SOD2: variants seen among roughly 807,000 people sequenced by gnomAD.
The protein encoded by SOD2 is superoxide dismutase [Mn], mitochondrial.
Under a neutral mutation model 27.0 loss-of-function variants are expected in SOD2, and 11 were observed. The ratio of observed to expected loss-of-function variants is 0.41; its 90% CI spans 0.26 to 0.67. The LOEUF is 0.67. Ranked by LOEUF, SOD2 falls within the 30% of genes least tolerant of loss-of-function variation. The pLI, the probability that SOD2 is intolerant of heterozygous loss-of-function variation, is 0.34. For missense variants in SOD2, 250 were observed against 274.5 expected (o/e 0.91, Z 0.63); for synonymous variants, 105 against 103.0 (o/e 1.02, Z -0.12).
rs957479539 is a variant in SOD2 at position 159,681,681 on chromosome 6, C to T, written c.*812G>A. The T allele has an allele frequency of 6.6e-6, 1 of 152,164 alleles. No homozygotes were observed. The allele number at this position is 152,164 out of a possible 1,614,324, so 9.4% of individuals were successfully genotyped here. On this transcript the variant is annotated 3_prime_UTR_variant, in exon 5 of 5. Coordinates refer to ENST00000538183, the MANE Select transcript of SOD2 (RefSeq NM_000636.4). ...CAATTTTGGTATACAGCCATACCAC[C>T]CTGAAGGCACCCGATCTCGACTGAT...
rs1040370414 is a variant in SOD2 at position 159,674,051 on chromosome 6, A to G, written c.*8442T>C. 16 of 152,250 alleles carry G rather than the reference A, an allele frequency of 1.1e-4. No homozygotes were observed. The highest frequency in any genetic ancestry group is 2.4e-4 in the Non-Finnish European group (16 of 68,044). 9.4% of individuals were successfully genotyped at this position (152,250 alleles called of 1,614,324 possible). ...CCCTCTCAAAACTAAACCAGGAAGAAGTTTAATCCCTGAATAGACCAATAA... is the reference window on the plus strand; with the variant it reads ...CCCTCTCAAAACTAAACCAGGAAGAGGTTTAATCCCTGAATAGACCAATAA... On this transcript the variant is annotated 3_prime_UTR_variant, in exon 5 of 5. Transcript: ENST00000538183.
chr6:159,712,918 TA>T, intron 1 of SOD2: 2 of 645,320 alleles, frequency 3.1e-6, no homozygotes, highest in East Asian at 2.8e-5. Flanking sequence ...CTATAGCATT[TA>T]AAAAGGTCTC....
intron 1 of SOD2, among the ~76,000 whole-genome samples, chr6:159,703,329 A>G (rs1311637739): frequency 3.3e-5 from 5 of 152,008 alleles, no homozygotes; most frequent in Admixed American, 6.6e-5. Context: ...GTATGTATGT[A>G]TGGAAATTCT....
intron 2 of SOD2, chr6:159,691,202 T>C (rs1258305379): frequency 6.6e-6 from 1 of 152,220 alleles, no homozygotes; most frequent in Non-Finnish European, 1.5e-5. Context: ...GAAAGGTTCC[T>C]GGTGTCAGAT....
At chr6:159,706,344 C>T (rs1019465075) in intron 1 of SOD2, among the ~76,000 whole-genome samples, 2 of 152,072 alleles carry the variant, frequency 1.3e-5, no homozygotes, top group Non-Finnish European at 2.9e-5. Context: ...AGAGTCAAGA[C>T]CCATCAGTCT....
intron 1 of SOD2, chr6:159,754,910 A>G: frequency 9.1e-7 from 1 of 1,102,466 alleles, no homozygotes; most frequent in Non-Finnish European, 1.2e-6. Context: ...GTGTGATTTT[A>G]GAATTGTATT....
rs150536970 is a variant in SOD2, at chr6:159,718,235, C to T, written c.-116+8894G>A. On this transcript the variant is annotated intron_variant, in intron 1 of 2. Coordinates refer to the SOD2 transcript ENST00000401980. ...TCAAACCCTCCTTGAGCAATTCTCC[C>T]ACTTCTAAATTCCCAGCCTCCTAAA... is the stretch of plus-strand genomic sequence containing the variant. Among the ~76,000 whole-genome samples the T allele has an allele frequency of 4.2e-3, 636 of 152,038 alleles. 6 individuals carry two copies. The highest frequency in any genetic ancestry group is 0.015 in the African/African-American group (611 of 41,482).
upstream of SOD2, among the ~76,000 whole-genome samples, chr6:159,729,439 A>G (rs1778429830): frequency 1.3e-5 from 2 of 152,234 alleles, no homozygotes; most frequent in African/African-American, 2.4e-5. Flanking sequence ...TGTGTATAAC[A>G]AGATGTTCCA....
chr6:159,710,961 ACCTCCATAACCACCTCCATAACCACCAC>A (rs1777734920), intron 1 of SOD2, among the ~76,000 whole-genome samples: 1 of 122,384 alleles, frequency 8.2e-6, no homozygotes, highest in Non-Finnish European at 1.8e-5. Flanking sequence ...CACTGCTCTG[ACCTCCATAACCACCTCCATAACCACCAC>A]TCACACTGCT....
intron 1 of SOD2, among the ~76,000 whole-genome samples, chr6:159,744,446 A>G (rs549335786): frequency 1.3e-5 from 2 of 152,198 alleles, no homozygotes; most frequent in Non-Finnish European, 2.9e-5. Context: ...TGGTACATAT[A>G]GAAGTCTTCT....
intron 1 of SOD2, among the ~76,000 whole-genome samples, chr6:159,735,808 A>G (rs2114894763): frequency 6.6e-6 from 1 of 152,258 alleles, no homozygotes; most frequent in Admixed American, 6.5e-5. Context: ...GTAGTAAATT[A>G]TGGCTGTGGT....
upstream of SOD2, among the ~76,000 whole-genome samples, chr6:159,695,329 A>G (rs1777402146): frequency 6.6e-6 from 1 of 152,164 alleles, no homozygotes; most frequent in Admixed American, 6.5e-5. Flanking sequence ...GCCCTTTAGA[A>G]CAAGCACCAA....
upstream of SOD2, among the ~76,000 whole-genome samples, chr6:159,728,212 T>C (rs1458308143): frequency 6.6e-6 from 1 of 152,260 alleles, no homozygotes; most frequent in Admixed American, 6.5e-5. Context: ...AACTGAATTA[T>C]TGCAGATTTT....
intron 1 of SOD2, among the ~76,000 whole-genome samples, chr6:159,725,084 A>G (rs949266201): frequency 6.6e-6 from 1 of 152,194 alleles, no homozygotes; most frequent in Non-Finnish European, 1.5e-5. Flanking sequence ...TAGTATGCAG[A>G]TTTCTGTATA....
chr6:159,720,396 T>C (rs1368534935), intron 1 of SOD2: 1 of 152,396 alleles, frequency 6.6e-6, no homozygotes, highest in Non-Finnish European at 1.5e-5. Flanking sequence ...TGTGTGTGTA[T>C]GGGAAAGCTG....
At chr6:159,758,889 C>T (rs1268130003) in intron 1 of SOD2, among the ~76,000 whole-genome samples, 3 of 152,032 alleles carry the variant, frequency 2.0e-5, no homozygotes, top group Non-Finnish European at 2.9e-5. Context: ...CATCTTCCAG[C>T]GGGGGAAGAT....
At chr6:159,749,549 T>C (rs1779748107), upstream of SOD2, 3 of 580,276 alleles carry the variant, frequency 5.2e-6, no homozygotes, top group South Asian at 7.6e-5. Context: ...GTTGCTGTGC[T>C]CTTCAAAGTG....
intron 1 of SOD2, among the ~76,000 whole-genome samples, chr6:159,711,401 C>G (rs368153917): frequency 7.0e-5 from 2 of 28,484 alleles, no homozygotes; most frequent in East Asian, 1.7e-3. Flanking sequence ...GCCTCCACAA[C>G]CACCACTCAC....
chr6:159,692,921 T>C (rs1202814742), intron 1 of SOD2, 58 bp from the exon 2 acceptor site: 6 of 1,450,466 alleles, frequency 4.1e-6, no homozygotes, highest in Non-Finnish European at 4.6e-6. Flanking sequence ...CTACGCAGGC[T>C]GGGCTGCCGA....
Sources: allele counts gnomAD v4.1 joint callset (sites outside exome capture counted in the v4.1 genomes callset), GRCh38; gene constraint gnomAD v4.1.1; transcripts MANE v1.5; gene names NCBI Gene and HGNC (gene_info 2026-07-23, HGNC 2026-07-21).